The following NDFIP2 variants were observed in gnomAD, a reference collection of about 807,000 sequenced individuals.
NDFIP2 encodes the protein NEDD4 family-interacting protein 2.
In NDFIP2, 19 loss-of-function variants were observed where a neutral mutation model predicts 36.0. The observed-to-expected ratio is 0.53, with a 90% CI of 0.37 to 0.77. NDFIP2 has a LOEUF of 0.77. NDFIP2 is among the 30% of genes least tolerant of loss of function. The pLI is 0.00. For missense variants in NDFIP2, 446 were observed against 435.8 expected, an observed-to-expected ratio of 1.02 and a Z score of -0.21; for synonymous variants, 181 against 167.7, an observed-to-expected ratio of 1.08 and a Z score of -0.61.
At chr13:79,486,170 A>G (rs1872978304) in intron 1 of NDFIP2, among the ~76,000 whole-genome samples, 1 of 152,200 alleles carries the variant, frequency 6.6e-6, no homozygotes, top group African/African-American at 2.4e-5. Context: ...AAAATCTGAA[A>G]TCCAAAACAC....
chr13:79,531,293 A>G (rs1475938180), intron 2 of NDFIP2, among the ~76,000 whole-genome samples: 2 of 152,220 alleles, frequency 1.3e-5, no homozygotes, highest in South Asian at 2.1e-4. Context: ...TGTTCCATTT[A>G]TGGAGCAGAG....
chr13:79,529,992 ATATCT>A (rs1179994771), intron 2 of NDFIP2, among the ~76,000 whole-genome samples: 3 of 152,178 alleles, frequency 2.0e-5, no homozygotes, highest in African/African-American at 7.2e-5. Context: ...AAAAATGTAC[ATATCT>A]TAATTTAAAA....
intron 1 of NDFIP2, among the ~76,000 whole-genome samples, chr13:79,508,115 C>T (rs2140751981): frequency 6.6e-6 from 1 of 152,262 alleles, no homozygotes; most frequent in South Asian, 2.1e-4. Context: ...TCTAATTAGT[C>T]TTATAAATCA....
chr13:79,490,524 G>C (rs1873184798), intron 1 of NDFIP2, among the ~76,000 whole-genome samples: 1 of 152,100 alleles, frequency 6.6e-6, no homozygotes, highest in Non-Finnish European at 1.5e-5. Context: ...AGGCTTTATA[G>C]GCCATGTGGT....
intron 1 of NDFIP2, among the ~76,000 whole-genome samples, chr13:79,490,754 A>T (rs1200454959): frequency 4.6e-5 from 7 of 152,102 alleles, no homozygotes; most frequent in Admixed American, 3.9e-4. Context: ...TAAGAAATTA[A>T]TTTTTTATTT....
chr13:79,537,442 A>G (rs1006722849), intron 3 of NDFIP2, among the ~76,000 whole-genome samples: 6 of 152,110 alleles, frequency 3.9e-5, no homozygotes, highest in Admixed American at 1.3e-4. Context: ...ACAGTATGAA[A>G]TATATTTTTG....
chr13:79,535,742 A>T (rs567559711), intron 3 of NDFIP2, among the ~76,000 whole-genome samples: 1 of 152,204 alleles, frequency 6.6e-6, no homozygotes, highest in Non-Finnish European at 1.5e-5. Flanking sequence ...AAATTGGTCA[A>T]TGCTTGAAAA....
chr13:79,520,221 T>A (rs1874514008), intron 1 of NDFIP2, among the ~76,000 whole-genome samples: 1 of 152,210 alleles, frequency 6.6e-6, no homozygotes, highest in African/African-American at 2.4e-5. Flanking sequence ...TATTCTAGAT[T>A]CACACATTTT....
Position 79,481,324 on chromosome 13 carries a change from G to C in NDFIP2, c.121G>C (p.Ala41Pro). 6.5e-7 allele frequency: 1 copy of C among 1,544,720 alleles called. No individual in the cohort carries two copies. Among genetic ancestry groups the C allele is most frequent in the East Asian group, 2.4e-5 (1 of 41,046 alleles). The change falls in exon 1 of 8, where the codon GCG (alanine) becomes CCG (proline). Residue 41 changes from alanine (A) to proline (P), a missense_variant. Around this residue, in one of 2 missense-constraint regions of NDFIP2, gnomAD observed 369 missense variants for 304.8 expected, o/e 1.21. Coordinates refer to ENST00000218652, the MANE Select transcript of NDFIP2 (RefSeq NM_019080.3). The part of the protein sequence containing the change: ...ATNAEVSAAA[A>P]GATGSEELPP... The stretch of plus-strand genomic sequence containing the variant: ...CAACGCGGAGGTCTCGGCGGCCGCT[G>C]CGGGAGCCACAGGAAGTGAAGAGCT...
intron 5 of NDFIP2, among the ~76,000 whole-genome samples, chr13:79,545,162 C>G (rs1875617765): frequency 1.3e-5 from 2 of 152,054 alleles, no homozygotes; most frequent in African/African-American, 4.8e-5. Context: ...AATGGGATTT[C>G]TCATCTAAAT....
chr13:79,492,513 C>A (rs1210126336), intron 1 of NDFIP2, among the ~76,000 whole-genome samples: 1 of 152,030 alleles, frequency 6.6e-6, no homozygotes, highest in African/African-American at 2.4e-5. Flanking sequence ...AGCGGTCTTC[C>A]CCCTCAGCCT....
chr13:79,539,233 T>A (rs1875367002), intron 3 of NDFIP2, among the ~76,000 whole-genome samples: 1 of 152,208 alleles, frequency 6.6e-6, no homozygotes, highest in Admixed American at 6.5e-5. Context: ...TGTATACATA[T>A]ATATATATGT....
intron 3 of NDFIP2, among the ~76,000 whole-genome samples, chr13:79,539,212 A>ATG (rs968505763): frequency 1.3e-5 from 2 of 151,904 alleles, no homozygotes; most frequent in East Asian, 1.9e-4. Flanking sequence ...AAGAGGGAAT[A>ATG]TGTGTGTGTG....
At chr13:79,487,401 A>C (rs898211437) in intron 1 of NDFIP2, among the ~76,000 whole-genome samples, 2 of 152,210 alleles carry the variant, frequency 1.3e-5, no homozygotes, top group African/African-American at 4.8e-5. Flanking sequence ...GAATGAATAC[A>C]CTGCAGTTTA....
In NDFIP2 at chr13:79,554,949, CTT is replaced by C. The variant is rs1024073908; in HGVS notation, c.*2439_*2440del. On this transcript the variant is annotated 3_prime_UTR_variant, in exon 8 of 8. Coordinates refer to ENST00000218652, the MANE Select transcript of NDFIP2 (RefSeq NM_019080.3). The stretch of plus-strand genomic sequence containing the variant: ...ACTGAATTTTAAGGCAAAAACAACA[CTT>C]TTCTATATAGTGTATGCAGGACAGA... 11 of 151,930 alleles carry C rather than the reference CTT, an allele frequency of 7.2e-5. No homozygotes were observed. Among genetic ancestry groups the C allele is most frequent in the Non-Finnish European group, 1.0e-4 (7 of 67,822 alleles). The allele number at this position is 151,930 out of a possible 1,614,324, so 9.4% of individuals were successfully genotyped here.
intron 4 of NDFIP2, 136 bp from the exon 5 acceptor site, chr13:79,543,422 A>T: frequency 8.9e-7 from 1 of 1,123,116 alleles, no homozygotes; most frequent in Admixed American, 2.2e-5. Flanking sequence ...GCTATAGTCT[A>T]TAAAGAAGGC....
At chr13:79,497,793 G>GTGT (rs1566655451) in intron 1 of NDFIP2, among the ~76,000 whole-genome samples, 4,327 of 92,798 alleles carry the variant, frequency 0.047, 80 homozygotes, top group Admixed American at 0.085. Context: ...TTATCTGTGG[G>GTGT]GGGTGTGTGT....
chr13:79,544,935 A>G (rs142706361), intron 5 of NDFIP2, among the ~76,000 whole-genome samples: 2 of 152,288 alleles, frequency 1.3e-5, no homozygotes, highest in African/African-American at 4.8e-5. Context: ...AGCCATCATT[A>G]GAACTATCCC....
chr13:79,534,350 G>GTTTTTTTTTTTTTTTTTTT (rs532659161), intron 3 of NDFIP2, among the ~76,000 whole-genome samples: 2 of 95,404 alleles, frequency 2.1e-5, no homozygotes, highest in Non-Finnish European at 3.9e-5. Context: ...TTTGTCAGCT[G>GTTTTTTTTTTTTTTTTTTT]TTTTTTTTTT....
Sources: gnomAD v4.1 joint callset for allele counts (sites outside exome capture counted in the v4.1 genomes callset) on GRCh38, gnomAD v4.1.1 for gene constraint, gnomAD v4.1.1 regional missense constraint, MANE v1.5 for transcripts, NCBI Gene and HGNC (gene_info 2026-07-23, HGNC 2026-07-21) for gene names.